Variants in ENPEP observed in about 807,000 individuals in gnomAD.
ENPEP encodes the protein AP-A.
ENPEP carries 103 observed loss-of-function variants against 114.5 expected under a neutral mutation model. The observed-to-expected ratio is 0.90, with a 90% CI of 0.77 to 1.06. The LOEUF is 1.06. ENPEP is among the 50% of genes least tolerant of loss of function. The pLI is 0.00. For synonymous variants in ENPEP, 420 were observed against 422.0 expected, an observed-to-expected ratio of 1.00 and a Z score of 0.06; for missense variants, 1,196 against 1,161.3, an observed-to-expected ratio of 1.03 and a Z score of -0.43.
rs149064671 is a variant in ENPEP at position 110,537,097 on chromosome 4, A to T, written c.1808-5654A>T. Among the ~76,000 whole-genome samples, 1,305 of 152,276 alleles carry T rather than the reference A, an allele frequency of 8.6e-3. 12 individuals are homozygous for T. Among genetic ancestry groups the T allele is most frequent in the Non-Finnish European group, 0.013 (851 of 68,006 alleles). On this transcript the variant is annotated intron_variant, in intron 11 of 19. Coordinates refer to ENST00000265162, the MANE Select transcript of ENPEP (RefSeq NM_001977.4). ...CGAGTTGTAATCTTTTTTACTGATA[A>T]AGGGTCTTGCCTCAGTGTTGATGGC...
In ENPEP at chr4:110,510,247, G is replaced by T. The variant is rs1725524795; in HGVS notation, c.1197G>T (p.Trp399Cys). The T allele has an allele frequency of 6.2e-7, 1 of 1,613,048 alleles. No individual in the cohort carries two copies. The highest frequency in any genetic ancestry group is 1.3e-5 in the African/African-American group (1 of 74,874). Reference sequence around the variant, plus strand: ...CTCTTTATTGCTTATAATTTCAGTGGTTTGGAAATATTGTGACCATGGACT... The same window carrying T: ...CTCTTTATTGCTTATAATTTCAGTGTTTTGGAAATATTGTGACCATGGACT... ...TVVAHELVHQ[W>C]FGNIVTMDWW... The change falls in exon 6 of 20, where the codon TGG (tryptophan) becomes TGT (cysteine). Residue 399 changes from tryptophan to cysteine, a missense_variant and splice_region_variant. Coordinates refer to ENST00000265162, the MANE Select transcript of ENPEP (RefSeq NM_001977.4).
At chr4:110,535,904 T>A (rs1726598914) in intron 11 of ENPEP, among the ~76,000 whole-genome samples, 1 of 152,196 alleles carries the variant, frequency 6.6e-6, no homozygotes, top group Non-Finnish European at 1.5e-5. Context: ...TACAACTGGC[T>A]GAAGGCTCAG....
intron 4 of ENPEP, 59 bp downstream of exon 4, chr4:110,506,816 A>T: frequency 7.7e-7 from 1 of 1,296,060 alleles, no homozygotes; most frequent in East Asian, 2.6e-5. Context: ...TATCTAAGTT[A>T]ACTCATTTCT....
intron 11 of ENPEP, among the ~76,000 whole-genome samples, chr4:110,542,194 CT>C (rs1419654256): frequency 2.0e-5 from 3 of 152,236 alleles, no homozygotes; most frequent in Middle Eastern, 3.4e-3. Flanking sequence ...TGCAGGTCTT[CT>C]TGATACAGTA....
chr4:110,533,213 A>C, intron 11 of ENPEP: 1 of 309,316 alleles, frequency 3.2e-6, no homozygotes, highest in Non-Finnish European at 6.7e-6. Context: ...TTTCCATACA[A>C]GTGAATTTTC....
chr4:110,542,621 C>A lies in ENPEP; in HGVS notation c.1808-130C>A, dbSNP rs150845234. Reference sequence around the variant, plus strand: ...AAAAATTAGGCTTTGGGTTTTGGATCCAAATCAAACCTGCCTCCTTGAGCT... The same window carrying A: ...AAAAATTAGGCTTTGGGTTTTGGATACAAATCAAACCTGCCTCCTTGAGCT... On this transcript the variant is annotated intron_variant, in intron 11 of 19. Coordinates refer to ENST00000265162, the MANE Select transcript of ENPEP (RefSeq NM_001977.4). 234 of 888,570 alleles carry A rather than the reference C, an allele frequency of 2.6e-4. 1 individual carries two copies. The East Asian group carries it at 6.2e-3, about 24-fold the overall frequency. 55.0% of individuals were successfully genotyped at this position (888,570 alleles called of 1,614,324 possible).
chr4:110,485,239 A>C (rs1724459546), intron 1 of ENPEP, among the ~76,000 whole-genome samples: 1 of 152,190 alleles, frequency 6.6e-6, no homozygotes, highest in South Asian at 2.1e-4. Context: ...TCACAAAACT[A>C]ATCAATGATT....
intron 17 of ENPEP, among the ~76,000 whole-genome samples, chr4:110,550,942 A>G (rs894680444): frequency 6.6e-6 from 1 of 151,980 alleles, no homozygotes; most frequent in Non-Finnish European, 1.5e-5. Flanking sequence ...GCTCTCTGCC[A>G]TGACAGTTCA....
At chr4:110,488,798 T>G in intron 2 of ENPEP, 116 bp downstream of exon 2, 13 of 1,309,686 alleles carry the variant, frequency 9.9e-6, no homozygotes, top group Non-Finnish European at 1.3e-5. Flanking sequence ...TGTGCACTAA[T>G]AGTTTATTTA....
chr4:110,522,389 G>A (rs1726029639), intron 10 of ENPEP, among the ~76,000 whole-genome samples: 1 of 151,976 alleles, frequency 6.6e-6, no homozygotes, highest in Non-Finnish European at 1.5e-5. Context: ...CACCATGTTG[G>A]CCAGGATGGT....
chr4:110,476,522 C>T lies in ENPEP; in HGVS notation c.108C>T (p.Ala36=), dbSNP rs76248418. The part of the protein sequence containing the change: ...VVGVGLIVGL[A]VGLTRSCDSS... Reference sequence around the variant, plus strand: ...GTGTAGGATTAATAGTGGGACTTGCCGTGGGCTTGACCAGATCGTGTGACT... The same window carrying T: ...GTGTAGGATTAATAGTGGGACTTGCTGTGGGCTTGACCAGATCGTGTGACT... Residue 36 remains alanine (A), a synonymous_variant, in exon 1 of 20, where the codon GCC becomes GCT. Coordinates refer to ENST00000265162, the MANE Select transcript of ENPEP (RefSeq NM_001977.4). 5.1e-3 allele frequency: 8,170 copies of T among 1,603,474 alleles called. 371 individuals carry two copies. In the African/African-American group the frequency reaches 0.094, roughly 18 times the overall value.
At chr4:110,525,686 A>C (rs1036930872) in intron 10 of ENPEP, among the ~76,000 whole-genome samples, 1 of 152,280 alleles carries the variant, frequency 6.6e-6, no homozygotes, top group East Asian at 1.9e-4. Flanking sequence ...GTTCCTTTAT[A>C]GTTACTGGTC....
At chr4:110,553,662 AC>A (rs1324770725) in intron 18 of ENPEP, 1 of 412,030 alleles carries the variant, frequency 2.4e-6, no homozygotes, top group East Asian at 3.6e-5. Context: ...TATTGTTTCA[AC>A]TGACCTATAG....
At position 110,509,778 on chromosome 4, in the gene ENPEP, AC is replaced by A. The variant is rs760663765; in HGVS notation, c.1166del (p.Thr389MetfsTer16). 7 of 1,613,754 alleles carry A rather than the reference AC, an allele frequency of 4.3e-6. No individual in the cohort carries two copies. The highest frequency in any genetic ancestry group is 5.9e-6 in the Non-Finnish European group (7 of 1,179,970). ...SASSNQQRVATVVAHELVHQW... is the reference protein window; with the variant it reads ...SASSNQQRVAXVVAHELVHQW... ...CTCATCAAACCAACAGAGGGTGGCC[AC>A]TGTGGTTGCCCATGAACTTGTGCAT... On this transcript the variant is annotated frameshift_variant, in exon 5 of 20. Coordinates refer to ENST00000265162, the MANE Select transcript of ENPEP (RefSeq NM_001977.4). LOFTEE classifies it high-confidence loss of function.
chr4:110,520,144 TCTAA>T (rs1263307927), intron 9 of ENPEP, 67 bp from the exon 10 acceptor site: 2 of 1,593,244 alleles, frequency 1.3e-6, no homozygotes, highest in African/African-American at 1.3e-5. Flanking sequence ...CATTTTCTAA[TCTAA>T]CTATTCTATC....
intron 4 of ENPEP, among the ~76,000 whole-genome samples, chr4:110,508,868 TAA>T (rs1235985557): frequency 6.6e-6 from 1 of 152,232 alleles, no homozygotes; most frequent in East Asian, 1.9e-4. Context: ...TCTTATATGT[TAA>T]GTGAAAAATC....
chr4:110,551,750 T>G (rs1369191160), intron 17 of ENPEP, among the ~76,000 whole-genome samples: 1 of 152,164 alleles, frequency 6.6e-6, no homozygotes, highest in Non-Finnish European at 1.5e-5. Context: ...AATGAGTTGT[T>G]AAACTAGAAT....
At chr4:110,491,251 T>TC in intron 3 of ENPEP, 87 bp downstream of exon 3, 1 of 1,265,202 alleles carries the variant, frequency 7.9e-7, no homozygotes, top group Admixed American at 2.7e-5. Context: ...TTTTTTTTTT[T>TC]TCAAACAACA....
At chr4:110,478,208 G>A (rs1180782563) in intron 1 of ENPEP, among the ~76,000 whole-genome samples, 2 of 152,062 alleles carry the variant, frequency 1.3e-5, no homozygotes, top group Admixed American at 6.5e-5. Context: ...ACAGACCCAC[G>A]GACTAAAACA....
Sources: allele counts gnomAD v4.1 joint callset (sites outside exome capture counted in the v4.1 genomes callset), GRCh38; gene constraint gnomAD v4.1.1; transcripts MANE v1.5; gene names NCBI Gene and HGNC (gene_info 2026-07-23, HGNC 2026-07-21).